Variants in ATP6V1A observed in about 807,000 individuals in gnomAD.
ATP6V1A encodes the protein ATPase H+ transporting V1 subunit A.
ATP6V1A carries 18 observed loss-of-function variants against 70.1 expected under a neutral mutation model. The ratio of observed to expected loss-of-function variants is 0.26; its 90% confidence interval spans 0.18 to 0.38. The LOEUF (loss-of-function observed/expected upper bound fraction) is 0.38. Ranked by LOEUF, ATP6V1A falls within the 10% of genes least tolerant of loss-of-function variation. The pLI is 1.00. For synonymous variants in ATP6V1A, 232 were observed against 253.8 expected (o/e 0.91, Z 0.82); for missense variants, 424 against 772.4 (o/e 0.55, Z 5.35).
At chr3:113,782,650 G>A (rs1708992693) in intron 3 of ATP6V1A, among the ~76,000 whole-genome samples, 1 of 148,836 alleles carries the variant, frequency 6.7e-6, no homozygotes, top group African/African-American at 2.5e-5. Context: ...TTGAGACAGA[G>A]TCTCACTCTG....
At chr3:113,797,157 G>A (rs1709161061) in intron 11 of ATP6V1A, among the ~76,000 whole-genome samples, 1 of 151,930 alleles carries the variant, frequency 6.6e-6, no homozygotes, top group Non-Finnish European at 1.5e-5. Flanking sequence ...GGCTGGTCTT[G>A]AACTCCTGAC....
chr3:113,784,914 TAAAG>T, intron 5 of ATP6V1A, 81 bp downstream of exon 5: 1 of 1,390,738 alleles, frequency 7.2e-7, no homozygotes, highest in Non-Finnish European at 9.7e-7. Flanking sequence ...CCTAAGTAAT[TAAAG>T]AATTGATATT....
In ATP6V1A at chr3:113,792,216, C is replaced by T. The variant is rs78732902; in HGVS notation, c.988+2376C>T. ...TATGGATATATCATAATCAATTTAA[C>T]TGGCATCTTTTTGGTGGACTATTGG... On this transcript the variant is annotated intron_variant, in intron 8 of 14. Transcript: ENST00000273398. Among the ~76,000 whole-genome samples the T allele has an allele frequency of 5.9e-3, 900 of 152,324 alleles. 14 individuals carry two copies. Among genetic ancestry groups the T allele is most frequent in the African/African-American group, 0.021 (857 of 41,564 alleles).
intron 1 of ATP6V1A, among the ~76,000 whole-genome samples, chr3:113,755,969 A>G (rs1708643364): frequency 6.6e-6 from 1 of 152,248 alleles, no homozygotes. Flanking sequence ...TTGTATTAAT[A>G]TACCCTCATC....
At chr3:113,806,232 A>G (rs1709274682) in intron 14 of ATP6V1A, among the ~76,000 whole-genome samples, 1 of 152,186 alleles carries the variant, frequency 6.6e-6, no homozygotes, top group Non-Finnish European at 1.5e-5. Flanking sequence ...CCTGGGCAAC[A>G]CAGTGAGACC....
chr3:113,797,730 G>A lies in ATP6V1A; in HGVS notation c.1291-513G>A, dbSNP rs137989632. On this transcript the variant is annotated intron_variant, in intron 11 of 14. Coordinates refer to ENST00000273398, the MANE Select transcript of ATP6V1A (RefSeq NM_001690.4). ...TTTAAATTCGATTTGTAGGTATTATGCACTTGGAAAATGAAAGGAAATAGA... is the reference window on the plus strand; with the variant it reads ...TTTAAATTCGATTTGTAGGTATTATACACTTGGAAAATGAAAGGAAATAGA... Among the ~76,000 whole-genome samples, 96 of 152,272 alleles carry A rather than the reference G, an allele frequency of 6.3e-4. No individual in the cohort carries two copies. In the East Asian group the frequency reaches 0.016, roughly 26 times the overall value.
At chr3:113,794,796 T>A in intron 8 of ATP6V1A, 76 bp from the exon 9 acceptor site, 1 of 1,500,032 alleles carries the variant, frequency 6.7e-7, no homozygotes, top group Middle Eastern at 2.3e-4. Context: ...TGCTTTAAGG[T>A]TTTCTTAAGG....
At chr3:113,790,067 C>T (rs1459147034) in intron 8 of ATP6V1A, among the ~76,000 whole-genome samples, 4 of 152,046 alleles carry the variant, frequency 2.6e-5, no homozygotes, top group South Asian at 2.1e-4. Context: ...GTCAGGAGTT[C>T]GAGACCAGCC....
rs201023607 is a variant in ATP6V1A at position 113,786,417 on chromosome 3, A to C, written c.716+34A>C. The C allele has an allele frequency of 9.3e-5, 149 of 1,608,136 alleles. No homozygotes were observed. The East Asian group carries it at 3.3e-3, about 35-fold the overall frequency. ...GAGATGTGTCCCACGATTTTCCCTC[A>C]GAGTTATTATATGTGCTTATGTTTT... is the stretch of plus-strand genomic sequence containing the variant. On this transcript the variant is annotated intron_variant, in intron 6 of 14. Coordinates refer to ENST00000273398, the MANE Select transcript of ATP6V1A (RefSeq NM_001690.4).
At chr3:113,780,169 ATATT>A (rs1289366201) in intron 2 of ATP6V1A, among the ~76,000 whole-genome samples, 1 of 152,190 alleles carries the variant, frequency 6.6e-6, no homozygotes, top group African/African-American at 2.4e-5. Flanking sequence ...ATAGAGGTAA[ATATT>A]TATAGAATGA....
At chr3:113,753,979 A>G (rs1285251948) in intron 1 of ATP6V1A, among the ~76,000 whole-genome samples, 1 of 152,206 alleles carries the variant, frequency 6.6e-6, no homozygotes, top group African/African-American at 2.4e-5. Context: ...CATTTTTTAT[A>G]AAACCAGTTG....
At chr3:113,768,752 T>C (rs1219599614) in intron 1 of ATP6V1A, among the ~76,000 whole-genome samples, 1 of 152,002 alleles carries the variant, frequency 6.6e-6, no homozygotes, top group African/African-American at 2.4e-5. Context: ...CACGTCACCA[T>C]GCCTGGCTAA....
intron 1 of ATP6V1A, among the ~76,000 whole-genome samples, chr3:113,752,866 G>A (rs983297669): frequency 2.6e-4 from 39 of 152,122 alleles, no homozygotes; most frequent in South Asian, 6.2e-4. Context: ...TGGATTAGAG[G>A]CTTAAATGTA....
chr3:113,770,921 C>T (rs1460363635), intron 1 of ATP6V1A, among the ~76,000 whole-genome samples: 2 of 151,750 alleles, frequency 1.3e-5, no homozygotes, highest in Non-Finnish European at 2.9e-5. Context: ...GGTGAAACCC[C>T]GTCTCTACTA....
At chr3:113,772,374 A>G (rs760164268) in intron 1 of ATP6V1A, among the ~76,000 whole-genome samples, 6 of 152,218 alleles carry the variant, frequency 3.9e-5, no homozygotes, top group Non-Finnish European at 5.9e-5. Context: ...TCTAGGGAGG[A>G]GCACAGGAAA....
rs560635790 is a variant in ATP6V1A at position 113,761,215 on chromosome 3, T to C, written c.-14+14102T>C. ...CCTCAGCTTCCCAAGTAGCTGAGAA[T>C]ACAGGCATGAGCCACCGTACCTAGA... is the stretch of plus-strand genomic sequence containing the variant. On this transcript the variant is annotated intron_variant, in intron 1 of 14. Transcript: ENST00000273398. 4.6e-5 allele frequency among the ~76,000 whole-genome samples: 7 copies of C among 152,016 alleles called. No homozygotes were observed. In the South Asian group the frequency reaches 1.3e-3, roughly 27 times the overall value.
intron 1 of ATP6V1A, among the ~76,000 whole-genome samples, chr3:113,761,021 C>T (rs1030597468): frequency 1.3e-5 from 2 of 151,732 alleles, no homozygotes; most frequent in African/African-American, 2.4e-5. Flanking sequence ...GAGCCTAAAT[C>T]GCGCCACTGC....
At chr3:113,765,617 A>AAG (rs768173066) in intron 1 of ATP6V1A, among the ~76,000 whole-genome samples, 13 of 146,792 alleles carry the variant, frequency 8.9e-5, no homozygotes, top group African/African-American at 2.0e-4. Flanking sequence ...AAAAACAAAA[A>AAG]AGAGAGAGAG....
rs920412569 is a variant in ATP6V1A at position 113,811,320 on chromosome 3, T to A, written c.*1893T>A. The stretch of plus-strand genomic sequence containing the variant: ...TAGTTTTGTTTAAATTCTTGCAGAT[T>A]ACATGTTTTTACAGTGGCCTGCTAT... On this transcript the variant is annotated 3_prime_UTR_variant, in exon 15 of 15. Coordinates refer to ENST00000273398, the MANE Select transcript of ATP6V1A (RefSeq NM_001690.4). The A allele has an allele frequency of 6.6e-6, 1 of 152,652 alleles. No individual in the cohort carries two copies. Among genetic ancestry groups the A allele is most frequent in the Non-Finnish European group, 1.5e-5 (1 of 68,040 alleles). 9.5% of individuals were successfully genotyped at this position (152,652 alleles called of 1,614,324 possible).
Sources: allele counts gnomAD v4.1 joint callset (sites outside exome capture counted in the v4.1 genomes callset), GRCh38; gene constraint gnomAD v4.1.1; transcripts MANE v1.5; gene names NCBI Gene and HGNC (gene_info 2026-07-23, HGNC 2026-07-21).